ANKRD36C: variants seen among roughly 807,000 people sequenced by gnomAD.
ANKRD36C encodes the protein ankyrin repeat domain-containing protein 36C.
A neutral mutation model predicts 276.4 loss-of-function variants in ANKRD36C; 61 were observed. That is an observed-to-expected ratio of 0.22 (90% CI 0.18 to 0.27). The LOEUF is 0.27. ANKRD36C is among the 10% of genes least tolerant of loss of function. The pLI is 1.00. For synonymous variants in ANKRD36C, 483 were observed against 680.1 expected, an observed-to-expected ratio of 0.71 and a Z score of 4.51; for missense variants, 1,447 against 2,032.3, an observed-to-expected ratio of 0.71 and a Z score of 5.54.
intron 3 of ANKRD36C, among the ~76,000 whole-genome samples, chr2:95,983,609 ATTTATTTATTTATTTATTTG>A (rs1266800372): frequency 1.3e-5 from 2 of 151,184 alleles, no homozygotes; most frequent in African/African-American, 4.9e-5. Context: ...TTATTTATTT[ATTTATTTATTTATTTATTTG>A]AGATGGAGTC....
chr2:95,924,956 A>G (rs1336508451), intron 30 of ANKRD36C, among the ~76,000 whole-genome samples: 6 of 151,606 alleles, frequency 4.0e-5, no homozygotes, highest in East Asian at 3.9e-4. Flanking sequence ...CAGTGTTTAC[A>G]GGTTATTATA....
chr2:95,908,885 C>T (rs1485813425), intron 42 of ANKRD36C, among the ~76,000 whole-genome samples, 188 bp from the exon 47 acceptor site: 29 of 151,280 alleles, frequency 1.9e-4, no homozygotes, highest in Admixed American at 1.2e-3. Flanking sequence ...ACAGGCTCCA[C>T]GAAATATAGT....
chr2:95,930,573 C>T (rs1573776310), intron 24 of ANKRD36C, among the ~76,000 whole-genome samples: 1 of 151,408 alleles, frequency 6.6e-6, no homozygotes, highest in African/African-American at 2.4e-5. Flanking sequence ...AATCAGATTC[C>T]TATGAAAATA....
chr2:95,923,428 A>T (rs1677325245), intron 32 of ANKRD36C, 67 bp downstream of exon 32: 1 of 1,566,300 alleles, frequency 6.4e-7, no homozygotes, highest in Non-Finnish European at 8.7e-7. Flanking sequence ...CCGCTGATTT[A>T]TTCAGGGAAG....
chr2:95,951,277 C>CA, intron 15 of ANKRD36C, 71 bp downstream of exon 15: 1 of 1,101,184 alleles, frequency 9.1e-7, no homozygotes, highest in Non-Finnish European at 1.2e-6. Context: ...CTGTGTTTCA[C>CA]AAAGAAAAAA....
chr2:95,925,292 G>C, intron 30 of ANKRD36C, 60 bp downstream of exon 30: 1 of 1,545,314 alleles, frequency 6.5e-7, no homozygotes. Context: ...TCTATTCAGG[G>C]GTGGGACGTT....
chr2:95,897,586 C>T, intron 44 of ANKRD36C, 121 bp from the exon 59 acceptor site: 3 of 1,266,652 alleles, frequency 2.4e-6, no homozygotes, highest in Admixed American at 4.5e-5. Flanking sequence ...GCTTTGATGG[C>T]TTCTACTTTG....
intron 4 of ANKRD36C, among the ~76,000 whole-genome samples, chr2:95,981,759 C>CT (rs1168499360): frequency 6.6e-6 from 1 of 151,910 alleles, no homozygotes; most frequent in Non-Finnish European, 1.5e-5. Flanking sequence ...GGATTAAACC[C>CT]AGTCCTGTGT....
intron 42 of ANKRD36C, 66 bp from the exon 47 acceptor site, chr2:95,908,763 G>T: frequency 2.0e-6 from 3 of 1,530,898 alleles, no homozygotes; most frequent in Admixed American, 2.0e-5. Flanking sequence ...ACATATTCAT[G>T]CAGTGTTAGC....
chr2:95,856,137 C>T (rs201616266), exon 63 of ANKRD36C: 56 of 1,607,600 alleles, frequency 3.5e-5, no homozygotes, highest in Non-Finnish European at 4.1e-5. Flanking sequence ...TTGCATCAAG[C>T]GGTTTTCATG....
chr2:95,912,360 T>C (rs775062224), intron 41 of ANKRD36C, 44 bp from the exon 44 acceptor site: 6 of 1,602,992 alleles, frequency 3.7e-6, no homozygotes, highest in Middle Eastern at 2.3e-4. Flanking sequence ...GTATGTTTCA[T>C]AGGCTTTACG....
intron 44 of ANKRD36C, among the ~76,000 whole-genome samples, chr2:95,892,171 G>C (rs1386057606): frequency 6.6e-6 from 1 of 151,500 alleles, no homozygotes; most frequent in Non-Finnish European, 1.5e-5. Context: ...TAAAATCAGA[G>C]GAGCAACTCA....
chr2:95,922,756 T>C (rs1428496492), intron 32 of ANKRD36C, among the ~76,000 whole-genome samples: 1 of 151,616 alleles, frequency 6.6e-6, no homozygotes, highest in African/African-American at 2.4e-5. Flanking sequence ...AAGAAGCCAA[T>C]GTATTGATAT....
intron 44 of ANKRD36C, among the ~76,000 whole-genome samples, 169 bp downstream of exon 60, chr2:95,897,101 T>A (rs1010336047): frequency 6.7e-6 from 1 of 150,332 alleles, no homozygotes; most frequent in African/African-American, 2.4e-5. Flanking sequence ...AAGATCACGT[T>A]CCAGACCAGC....
chr2:95,923,308 T>C (rs1677321177), intron 32 of ANKRD36C, among the ~76,000 whole-genome samples, 187 bp downstream of exon 32: 1 of 151,596 alleles, frequency 6.6e-6, no homozygotes, highest in Admixed American at 6.6e-5. Context: ...TCTATAATCT[T>C]ACCGCGAAGA....
intron 34 of ANKRD36C, 144 bp from the exon 37 acceptor site, chr2:95,918,186 G>A (rs1677160680): frequency 3.7e-6 from 5 of 1,365,720 alleles, no homozygotes; most frequent in East Asian, 2.5e-5. Flanking sequence ...TCTTGGGACT[G>A]GAACATGACA....
At chr2:95,968,366 G>A (rs1678634316) in intron 6 of ANKRD36C, among the ~76,000 whole-genome samples, 1 of 152,050 alleles carries the variant, frequency 6.6e-6, no homozygotes, top group African/African-American at 2.4e-5. Context: ...TATGTGAATT[G>A]CAGTATAAAA....
At chr2:95,961,127 C>A (rs1051308030) in intron 8 of ANKRD36C, among the ~76,000 whole-genome samples, 13 of 152,260 alleles carry the variant, frequency 8.5e-5, no homozygotes, top group African/African-American at 2.2e-4. Context: ...TGAGCAGGTA[C>A]ACAATGACAA....
intron 63 of ANKRD36C, 30 bp from the exon 84 acceptor site, chr2:95,853,891 T>C: frequency 1.3e-6 from 2 of 1,589,984 alleles, no homozygotes; most frequent in Non-Finnish European, 1.7e-6. Flanking sequence ...GTTACTGATT[T>C]TACAAATCAC....
Sources: gnomAD v4.1 joint callset for allele counts (sites outside exome capture counted in the v4.1 genomes callset) on GRCh38, gnomAD v4.1.1 for gene constraint, MANE v1.5 for transcripts, NCBI Gene and HGNC (gene_info 2026-07-23, HGNC 2026-07-21) for gene names.